The following CCDC102B variants were observed in gnomAD, a reference collection of about 807,000 sequenced individuals.
The protein encoded by CCDC102B is coiled-coil domain-containing protein 102B.
In CCDC102B, 75 loss-of-function variants were observed where a neutral mutation model predicts 57.4. The observed-to-expected ratio is 1.31, with a 90% confidence interval of 1.08 to 1.58. The LOEUF (loss-of-function observed/expected upper bound fraction) is 1.58, where lower values mean the gene tolerates loss of function less well. Ranked by LOEUF, CCDC102B falls within the 40% of genes most tolerant of loss-of-function variation. The pLI, the probability that CCDC102B is intolerant of heterozygous loss-of-function variation, is 0.00. For synonymous variants in CCDC102B, 206 were observed against 201.9 expected, an observed-to-expected ratio of 1.02 and a Z score of -0.17; for missense variants, 636 against 582.6, an observed-to-expected ratio of 1.09 and a Z score of -0.94.
chr18:68,976,705 A>G (rs1300275936), intron 6 of CCDC102B, among the ~76,000 whole-genome samples: 2 of 151,936 alleles, frequency 1.3e-5, no homozygotes, highest in African/African-American at 4.8e-5. Context: ...TCATATGTCT[A>G]TTTCTCTCAT....
chr18:69,013,449 T>C (rs1447759482), intron 7 of CCDC102B, among the ~76,000 whole-genome samples: 1 of 152,170 alleles, frequency 6.6e-6, no homozygotes, highest in African/African-American at 2.4e-5. Flanking sequence ...GTGAAGGATA[T>C]ACTGAAAGTC....
intron 6 of CCDC102B, among the ~76,000 whole-genome samples, chr18:68,934,034 A>T (rs114876189): frequency 0.019 from 2,918 of 151,964 alleles, 105 homozygotes; most frequent in African/African-American, 0.066. Flanking sequence ...TTCACCTATG[A>T]AGAATTATTA....
chr18:68,818,062 C>G (rs949081935), intron 1 of CCDC102B, among the ~76,000 whole-genome samples: 16 of 152,042 alleles, frequency 1.1e-4, no homozygotes, highest in African/African-American at 3.9e-4. Context: ...TCAAAATCTC[C>G]ATATTAAACT....
chr18:69,024,236 G>C, intron 7 of CCDC102B, among the ~76,000 whole-genome samples: 1 of 151,946 alleles, frequency 6.6e-6, no homozygotes, highest in East Asian at 1.9e-4. Flanking sequence ...CTTTTTGAAG[G>C]TTTGTCAGGC....
rs1568263108 is a variant in CCDC102B, at chr18:68,810,671, C to CTTTGTTTGT, written c.-16+12493_-16+12494insGTTTGTTTT. Among the ~76,000 whole-genome samples the CTTTGTTTGT allele has an allele frequency of 1.1e-3, 75 of 70,032 alleles. 2 individuals are homozygous for CTTTGTTTGT. The highest frequency in any genetic ancestry group is 1.2e-3 in the African/African-American group (27 of 21,734). The allele number at this position is 70,032 out of a possible 152,430, so 45.9% of individuals were successfully genotyped here. On this transcript the variant is annotated intron_variant, in intron 1 of 7. Transcript: ENST00000360242. ...AGACGGTTTTGAAAAATTTTCTTTT[C>CTTTGTTTGT]TTTTCTTTGTTTTTTTTTTTTTTTT...
At chr18:68,754,658 A>G (rs1206274784) in intron 2 of CCDC102B, 1 of 152,216 alleles carries the variant, frequency 6.6e-6, no homozygotes, top group Admixed American at 6.6e-5. Flanking sequence ...AAAGAAAAAA[A>G]ATTGAGGGGA....
intron 6 of CCDC102B, among the ~76,000 whole-genome samples, chr18:69,009,520 A>G (rs1473390308): frequency 9.9e-5 from 15 of 152,194 alleles, no homozygotes; most frequent in Admixed American, 9.8e-4. Flanking sequence ...TTTTTGTTAT[A>G]TGCAAATTAT....
rs745377502 is a variant in CCDC102B at position 68,836,875 on chromosome 18, G to T, written c.112G>T (p.Asp38Tyr). The change falls in exon 2 of 8, where the codon GAT (aspartate) becomes TAT (tyrosine). Residue 38 changes from aspartate to tyrosine, a missense_variant. By Grantham distance (160) the Asp-to-Tyr change is radical. Coordinates refer to ENST00000360242, the MANE Select transcript of CCDC102B (RefSeq NM_024781.3). ...DMVAPASPPRDTCNTCFPLHG... is the reference protein window; with the variant it reads ...DMVAPASPPRYTCNTCFPLHG... ...GGTGGCACCTGCCTCACCCCCCAGG[G>T]ATACCTGTAATACCTGCTTCCCACT... 3 of 1,613,982 alleles carry T rather than the reference G, an allele frequency of 1.9e-6. No homozygotes were observed. The highest frequency in any genetic ancestry group is 2.5e-6 in the Non-Finnish European group (3 of 1,180,032).
At chr18:68,905,288 C>T (rs1458300364) in intron 6 of CCDC102B, among the ~76,000 whole-genome samples, 1 of 4,312 alleles carries the variant, frequency 2.3e-4, no homozygotes, top group Admixed American at 3.0e-3. Context: ...TTTGATGTAA[C>T]TAGCATACTA....
At chr18:68,891,622 A>G (rs1260868733) in intron 5 of CCDC102B, among the ~76,000 whole-genome samples, 1 of 152,222 alleles carries the variant, frequency 6.6e-6, no homozygotes, top group South Asian at 2.1e-4. Flanking sequence ...ATGGAAGTCC[A>G]TGATCAAAGT....
intron 5 of CCDC102B, among the ~76,000 whole-genome samples, chr18:68,880,822 G>A (rs1185419083): frequency 6.6e-6 from 1 of 152,144 alleles, no homozygotes; most frequent in Non-Finnish European, 1.5e-5. Context: ...GTAGTCACAA[G>A]TAGTTATTGG....
At chr18:68,767,399 G>C (rs1325331212) in intron 2 of CCDC102B, among the ~76,000 whole-genome samples, 1 of 152,220 alleles carries the variant, frequency 6.6e-6, no homozygotes, top group Non-Finnish European at 1.5e-5. Flanking sequence ...GCTGGCAGCT[G>C]TCTGCAAGCC....
chr18:68,739,856 C>T (rs1450158561), intron 2 of CCDC102B, among the ~76,000 whole-genome samples: 1 of 152,198 alleles, frequency 6.6e-6, no homozygotes, highest in African/African-American at 2.4e-5. Flanking sequence ...AGTAGGATTG[C>T]TGCTACACAG....
chr18:68,827,580 G>T (rs1474429074), intron 1 of CCDC102B, among the ~76,000 whole-genome samples: 1 of 151,978 alleles, frequency 6.6e-6, no homozygotes, highest in Non-Finnish European at 1.5e-5. Context: ...AAGAAGAAAT[G>T]CAGGGACGAG....
At chr18:68,913,575 A>C (rs2040956222) in intron 6 of CCDC102B, among the ~76,000 whole-genome samples, 1 of 151,802 alleles carries the variant, frequency 6.6e-6, no homozygotes, top group Non-Finnish European at 1.5e-5. Context: ...AAATCACTTC[A>C]ACCAGGGAGG....
At chr18:68,913,343 T>TGTGTGTGTGTGTGTGG (rs1456607936) in intron 6 of CCDC102B, among the ~76,000 whole-genome samples, 6 of 151,354 alleles carry the variant, frequency 4.0e-5, no homozygotes, top group East Asian at 3.9e-4. Context: ...TGTGTGTGTG[T>TGTGTGTGTGTGTGTGG]GGTCCTACTT....
chr18:68,856,815 G>C (rs1418814406), intron 4 of CCDC102B, among the ~76,000 whole-genome samples: 1 of 151,008 alleles, frequency 6.6e-6, no homozygotes, highest in Non-Finnish European at 1.5e-5. Flanking sequence ...TTATTTTATA[G>C]CTATGATTGA....
At chr18:68,959,139 T>C (rs1489031457) in intron 6 of CCDC102B, among the ~76,000 whole-genome samples, 1 of 152,166 alleles carries the variant, frequency 6.6e-6, no homozygotes, top group Non-Finnish European at 1.5e-5. Context: ...ACCCATCGTT[T>C]TTGGGAAAGC....
chr18:69,052,744 G>A (rs971165039), intron 7 of CCDC102B, among the ~76,000 whole-genome samples: 7 of 151,354 alleles, frequency 4.6e-5, no homozygotes, highest in East Asian at 2.0e-4. Flanking sequence ...CCATATCCAC[G>A]GATTCCACAT....
Sources: gnomAD v4.1 joint callset for allele counts (sites outside exome capture counted in the v4.1 genomes callset) on GRCh38, gnomAD v4.1.1 for gene constraint, MANE v1.5 for transcripts, NCBI Gene and HGNC (gene_info 2026-07-23, HGNC 2026-07-21) for gene names.